ANKRD36C: variants seen among roughly 807,000 people sequenced by gnomAD.
ANKRD36C encodes ankyrin repeat domain 36C, also known as ankyrin repeat domain-containing protein 36C.
In ANKRD36C, 61 loss-of-function variants were observed where a neutral mutation model predicts 276.4. The observed-to-expected ratio is 0.22, with a 90% confidence interval of 0.18 to 0.27. The LOEUF (loss-of-function observed/expected upper bound fraction) is 0.27. Among genes scored for constraint, ANKRD36C ranks in the 10% least tolerant of loss-of-function variants. The pLI is 1.00. For missense variants in ANKRD36C, 1,447 were observed against 2,032.3 expected (o/e 0.71, Z 5.54); for synonymous variants, 483 against 680.1 (o/e 0.71, Z 4.51).
intron 48 of ANKRD36C, among the ~76,000 whole-genome samples, chr2:95,889,219 C>G (rs1676274558): frequency 6.6e-6 from 1 of 151,524 alleles, no homozygotes; most frequent in Admixed American, 6.6e-5. Flanking sequence ...CACCCAAAAT[C>G]AAATCTTCTT....
chr2:95,916,318 A>C, intron 36 of ANKRD36C, 147 bp from the exon 39 acceptor site: 1 of 1,397,074 alleles, frequency 7.2e-7, no homozygotes, highest in South Asian at 1.2e-5. Context: ...GGGGACTAGA[A>C]CATGACAGAA....
At chr2:95,916,273 T>G (rs1558638639) in intron 36 of ANKRD36C, 102 bp from the exon 39 acceptor site, 2 of 1,557,982 alleles carry the variant, frequency 1.3e-6, no homozygotes, top group Middle Eastern at 2.3e-4. Flanking sequence ...CCTGCCTGTA[T>G]TAGTGGAGGC....
chr2:95,893,457 C>G (rs1676436208), intron 44 of ANKRD36C, 76 bp downstream of exon 64: 13 of 1,520,634 alleles, frequency 8.5e-6, no homozygotes, highest in African/African-American at 1.4e-5. Flanking sequence ...GACGAGCCCC[C>G]CGCTGATTTA....
At chr2:95,926,353 A>ATT (rs1677403057) in intron 28 of ANKRD36C, among the ~76,000 whole-genome samples, 1 of 151,654 alleles carries the variant, frequency 6.6e-6, no homozygotes, top group South Asian at 2.1e-4. Context: ...GAAAATGAGA[A>ATT]TTTTAAAAGT....
At position 95,941,214 on chromosome 2, in the gene ANKRD36C, A is replaced by T; in HGVS notation, c.1492-15T>A. 1 of 1,490,644 alleles carries T rather than the reference A, an allele frequency of 6.7e-7. No homozygotes were observed. The highest frequency in any genetic ancestry group is 8.9e-7 in the Non-Finnish European group (1 of 1,126,890). 92.3% of individuals were successfully genotyped at this position (1,490,644 alleles called of 1,614,324 possible). A position where few individuals can be genotyped will look rare whatever the true frequency, so the allele number is the denominator to read the frequency against. On this transcript the variant is annotated splice_polypyrimidine_tract_variant and intron_variant, in intron 19 of 66. Transcript: ENST00000456556. ...GCTTTTCCTTCCTATTAAAAAAAAA[A>T]AAAAGAAATCTTCAGAAAATGTTAT...
At chr2:95,950,682 A>G (rs1678171899) in intron 16 of ANKRD36C, 67 bp downstream of exon 16, 1 of 1,505,204 alleles carries the variant, frequency 6.6e-7, no homozygotes, top group Admixed American at 2.0e-5. Context: ...CACTAAACAG[A>G]TACTAGTTTC....
At chr2:95,928,307 T>A (rs75397610) in intron 26 of ANKRD36C, among the ~76,000 whole-genome samples, 3 of 151,538 alleles carry the variant, frequency 2.0e-5, no homozygotes, top group African/African-American at 7.3e-5. Context: ...TATCCAAGAG[T>A]TAGCTCCTTG....
exon 33 of ANKRD36C, chr2:95,921,783 T>C: frequency 6.2e-7 from 1 of 1,602,384 alleles, no homozygotes; most frequent in South Asian, 1.1e-5. Flanking sequence ...TTTAATTACC[T>C]TCAAGGCTGG....
chr2:95,857,486 G>A (rs940962199), exon 62 of ANKRD36C: 2 of 1,531,894 alleles, frequency 1.3e-6, no homozygotes, highest in African/African-American at 2.7e-5. Flanking sequence ...CTTGCTGTAT[G>A]GCAAATCTGT....
intron 5 of ANKRD36C, among the ~76,000 whole-genome samples, chr2:95,979,210 A>AGG (rs1678868888): frequency 6.6e-6 from 1 of 152,084 alleles, no homozygotes. Flanking sequence ...TTCTAATATA[A>AGG]GGCCACCCAT....
At chr2:95,858,071 C>T (rs1464291899) in intron 61 of ANKRD36C, among the ~76,000 whole-genome samples, 2 of 151,904 alleles carry the variant, frequency 1.3e-5, no homozygotes, top group Admixed American at 6.6e-5. Context: ...AGTTGGCCTG[C>T]CTTTCTGAAC....
intron 48 of ANKRD36C, among the ~76,000 whole-genome samples, chr2:95,888,883 C>T (rs1436897770): frequency 6.6e-6 from 1 of 151,624 alleles, no homozygotes; most frequent in Non-Finnish European, 1.5e-5. Context: ...ATAAGTTTTA[C>T]ATTCAGAAAT....
At chr2:95,989,491 T>A (rs1679095047) in intron 1 of ANKRD36C, among the ~76,000 whole-genome samples, 1 of 152,046 alleles carries the variant, frequency 6.6e-6, no homozygotes, top group Non-Finnish European at 1.5e-5. Flanking sequence ...CTGTATCTAC[T>A]GACATCTGCA....
Position 95,882,287 on chromosome 2 carries a change from A to G in ANKRD36C, c.3367+15T>C. ...CTTGAGTGCACATGACATTAAATGT[A>G]TATTGCTAAATTACCTGTTCCAGAT... On this transcript the variant is annotated intron_variant, in intron 56 of 66. Transcript: ENST00000456556. 11 of 1,548,790 alleles carry G rather than the reference A, an allele frequency of 7.1e-6. No homozygotes were observed. The highest frequency in any genetic ancestry group is 9.6e-6 in the Non-Finnish European group (11 of 1,146,348).
At chr2:95,861,320 G>A (rs76371948) in intron 60 of ANKRD36C, among the ~76,000 whole-genome samples, 6 of 151,506 alleles carry the variant, frequency 4.0e-5, no homozygotes, top group African/African-American at 1.5e-4. Flanking sequence ...AATTTGACAC[G>A]ATAAACTGCA....
At chr2:95,917,053 G>T (rs1240974483) in intron 36 of ANKRD36C, among the ~76,000 whole-genome samples, 3 of 151,686 alleles carry the variant, frequency 2.0e-5, no homozygotes, top group African/African-American at 7.2e-5. Flanking sequence ...CTCTAAAGAA[G>T]TTTGATGAAA....
chr2:95,933,143 A>G (rs1419714459), intron 24 of ANKRD36C, among the ~76,000 whole-genome samples: 9 of 152,236 alleles, frequency 5.9e-5, no homozygotes, highest in Admixed American at 5.9e-4. Context: ...ATTGTTCTAT[A>G]TCGCTGTTTT....
chr2:95,957,659 T>A (rs1678361330), intron 12 of ANKRD36C, among the ~76,000 whole-genome samples: 2 of 152,190 alleles, frequency 1.3e-5, no homozygotes, highest in South Asian at 4.1e-4. Flanking sequence ...AAGCATTACA[T>A]CTGAATAAGG....
At chr2:95,947,263 T>C (rs914942538) in intron 17 of ANKRD36C, among the ~76,000 whole-genome samples, 3 of 152,044 alleles carry the variant, frequency 2.0e-5, no homozygotes, top group African/African-American at 7.2e-5. Flanking sequence ...ATAACTCACC[T>C]CAACTTATAG....
Sources: allele counts gnomAD v4.1 joint callset (sites outside exome capture counted in the v4.1 genomes callset), GRCh38; gene constraint gnomAD v4.1.1; transcripts MANE v1.5; gene names NCBI Gene and HGNC (gene_info 2026-07-23, HGNC 2026-07-21).